RBKS: variants seen among roughly 807,000 people sequenced by gnomAD.
RBKS encodes the protein ribokinase.
Under a neutral mutation model 33.9 loss-of-function variants are expected in RBKS, and 33 were observed. That is an observed-to-expected ratio of 0.97 (90% CI 0.74 to 1.30). The LOEUF is 1.30. RBKS is among the 50% of genes most tolerant of loss of function. The pLI is 0.00. For synonymous variants in RBKS, 125 were observed against 143.0 expected (o/e 0.87, Z 0.90); for missense variants, 361 against 392.6 (o/e 0.92, Z 0.68).
rs1467222273 is a variant in RBKS at position 27,863,829 on chromosome 2, T to C, written c.90-5258A>G. On this transcript the variant is annotated intron_variant, in intron 1 of 7. Coordinates refer to ENST00000302188, the MANE Select transcript of RBKS (RefSeq NM_022128.3). The stretch of plus-strand genomic sequence containing the variant: ...ATTTATTCTTCTCAGCATTTGTATA[T>C]GCCACATTTAAAAGGCTGAGAGTAA... Among the ~76,000 whole-genome samples, 7 of 152,254 alleles carry C rather than the reference T, an allele frequency of 4.6e-5. No homozygotes were observed. The East Asian group carries it at 7.7e-4, about 17-fold the overall frequency.
intron 1 of RBKS, among the ~76,000 whole-genome samples, chr2:27,867,558 T>TG: frequency 6.6e-6 from 1 of 152,158 alleles, no homozygotes; most frequent in East Asian, 1.9e-4. Flanking sequence ...CATGGAGGGC[T>TG]GAGTATACAA....
chr2:27,812,971 A>G (rs987255235), intron 7 of RBKS, among the ~76,000 whole-genome samples: 4 of 152,076 alleles, frequency 2.6e-5, no homozygotes, highest in African/African-American at 9.7e-5. Flanking sequence ...GTAGTTTTAT[A>G]TGCTGTAGTA....
chr2:27,790,555 A>G (rs942353237), intron 7 of RBKS, among the ~76,000 whole-genome samples: 2 of 152,226 alleles, frequency 1.3e-5, no homozygotes, highest in African/African-American at 4.8e-5. Context: ...TACTGTTATA[A>G]CTCAATAATA....
chr2:27,789,963 ATATATATATG>A (rs1208222460), intron 7 of RBKS, among the ~76,000 whole-genome samples: 5 of 138,762 alleles, frequency 3.6e-5, no homozygotes, highest in African/African-American at 5.6e-5. Context: ...ATATATATAT[ATATATATATG>A]TATATATATA....
At chr2:27,885,149 A>G (rs1039403607) in intron 1 of RBKS, among the ~76,000 whole-genome samples, 1 of 151,970 alleles carries the variant, frequency 6.6e-6, no homozygotes, top group Non-Finnish European at 1.5e-5. Flanking sequence ...CTCTGCATAC[A>G]ATCTTCTGCG....
At chr2:27,849,939 C>T (rs1663705577) in intron 2 of RBKS, among the ~76,000 whole-genome samples, 1 of 152,150 alleles carries the variant, frequency 6.6e-6, no homozygotes, top group South Asian at 2.1e-4. Context: ...CCCTACTGTC[C>T]GTTTCTGGCC....
At chr2:27,846,277 A>G (rs1448573209) in intron 4 of RBKS, among the ~76,000 whole-genome samples, 1 of 151,866 alleles carries the variant, frequency 6.6e-6, no homozygotes, top group Non-Finnish European at 1.5e-5. Flanking sequence ...CTCTGTTTTA[A>G]TTCATTCATT....
chr2:27,833,868 G>C (rs186106163), intron 5 of RBKS, among the ~76,000 whole-genome samples: 2 of 152,176 alleles, frequency 1.3e-5, no homozygotes, highest in East Asian at 3.9e-4. Flanking sequence ...CTCAACCCAG[G>C]TCCACTGACT....
chr2:27,846,405 G>A (rs971704428), intron 4 of RBKS, among the ~76,000 whole-genome samples: 7 of 152,198 alleles, frequency 4.6e-5, no homozygotes, highest in Admixed American at 4.6e-4. Context: ...CTGGCCTCAA[G>A]TGATCCTCCC....
rs567078282 is a variant in RBKS, at chr2:27,872,426, G to A, written c.90-13855C>T. On this transcript the variant is annotated intron_variant, in intron 1 of 7. Coordinates refer to ENST00000302188, the MANE Select transcript of RBKS (RefSeq NM_022128.3). The stretch of plus-strand genomic sequence containing the variant: ...CGCTGTTTATGAGACACATTGAAGG[G>A]TGAAAAGAAAAAAAGACAGGAAAAG... 1.0e-3 allele frequency among the ~76,000 whole-genome samples: 152 copies of A among 151,936 alleles called. 1 individual carries two copies. Among genetic ancestry groups the A allele is most frequent in the Non-Finnish European group, 1.9e-3 (129 of 67,962 alleles).
chr2:27,820,180 G>A (rs1288658417), intron 7 of RBKS, among the ~76,000 whole-genome samples: 1 of 152,098 alleles, frequency 6.6e-6, no homozygotes, highest in Admixed American at 6.5e-5. Flanking sequence ...AAATTACAAA[G>A]TAATACATGA....
intron 2 of RBKS, among the ~76,000 whole-genome samples, chr2:27,853,073 T>C (rs1014869993): frequency 2.0e-5 from 3 of 152,198 alleles, no homozygotes; most frequent in Non-Finnish European, 4.4e-5. Context: ...TTTACCTTAA[T>C]AATGGCCTTT....
In RBKS at chr2:27,890,221, C is replaced by G. The variant is rs756995099; in HGVS notation, c.89+36G>C. ...CATAGCGCACGGCACGCCTCCTCCCCCGAGCCGCAGACTGAGTAACTGGCC... is the reference window on the plus strand; with the variant it reads ...CATAGCGCACGGCACGCCTCCTCCCGCGAGCCGCAGACTGAGTAACTGGCC... On this transcript the variant is annotated intron_variant, in intron 1 of 7. Coordinates refer to ENST00000302188, the MANE Select transcript of RBKS (RefSeq NM_022128.3). This position sits in a 1 kb window ranked among gnomAD's most constrained non-coding sequence, Gnocchi z 4.8. 6.2e-6 allele frequency: 10 copies of G among 1,602,056 alleles called. No individual in the cohort carries two copies. In the East Asian group the frequency reaches 1.3e-4, roughly 22 times the overall value.
intron 7 of RBKS, among the ~76,000 whole-genome samples, chr2:27,805,638 G>A (rs544416672): frequency 5.6e-4 from 85 of 152,152 alleles, no homozygotes; most frequent in African/African-American, 1.9e-3. Context: ...GCAGTGGCGC[G>A]ATCTCAGCTC....
At chr2:27,783,757 A>C (rs1677333310) in intron 7 of RBKS, among the ~76,000 whole-genome samples, 1 of 150,922 alleles carries the variant, frequency 6.6e-6, no homozygotes, top group Non-Finnish European at 1.5e-5. Flanking sequence ...AATACAAAAA[A>C]TTAGCCGGGC....
chr2:27,790,884 CAT>C (rs1441431090), intron 7 of RBKS, among the ~76,000 whole-genome samples: 1 of 152,108 alleles, frequency 6.6e-6, no homozygotes, highest in Non-Finnish European at 1.5e-5. Context: ...TAATGTTAAA[CAT>C]ATATTTATAA....
At chr2:27,791,301 A>G (rs1194550839) in intron 7 of RBKS, among the ~76,000 whole-genome samples, 3 of 152,192 alleles carry the variant, frequency 2.0e-5, no homozygotes, top group Non-Finnish European at 4.4e-5. Context: ...TGTGTCTGTG[A>G]CAGTGTTTCT....
chr2:27,886,764 G>T (rs1302379654), intron 1 of RBKS, among the ~76,000 whole-genome samples: 2 of 151,976 alleles, frequency 1.3e-5, no homozygotes, highest in East Asian at 3.9e-4. Context: ...AAAGGTTAAG[G>T]ATTGGGAGAC....
At chr2:27,791,236 A>G (rs1280275944) in intron 7 of RBKS, among the ~76,000 whole-genome samples, 1 of 152,204 alleles carries the variant, frequency 6.6e-6, no homozygotes, top group African/African-American at 2.4e-5. Flanking sequence ...ACTAGGTTGA[A>G]TGATGCCCAC....
Sources: gnomAD v4.1 joint callset for allele counts (sites outside exome capture counted in the v4.1 genomes callset) on GRCh38, gnomAD v4.1.1 for gene constraint, Gnocchi (gnomAD v3.1) non-coding constraint, MANE v1.5 for transcripts, NCBI Gene and HGNC (gene_info 2026-07-23, HGNC 2026-07-21) for gene names.